The following SMU1 variants were observed in gnomAD, a reference collection of about 807,000 sequenced individuals.
SMU1 encodes SMU1 DNA replication regulator and spliceosomal factor, also known as WD40 repeat-containing protein SMU1.
A neutral mutation model predicts 62.0 loss-of-function variants in SMU1; 2 were observed. The ratio of observed to expected loss-of-function variants is 0.03; its 90% confidence interval spans 0.01 to 0.10. The LOEUF (loss-of-function observed/expected upper bound fraction) is 0.10. Ranked by LOEUF, SMU1 falls within the 10% of genes least tolerant of loss-of-function variation. The probability of loss-of-function intolerance (pLI) is 1.00; values close to 1 mark genes in which losing one functional copy is unlikely to be tolerated. For synonymous variants in SMU1, 188 were observed against 212.4 expected (o/e 0.89, Z 1.00); for missense variants, 227 against 622.1 (o/e 0.36, Z 6.76).
At chr9:33,055,794 T>C (rs549346355) in intron 9 of SMU1, among the ~76,000 whole-genome samples, 21 of 152,328 alleles carry the variant, frequency 1.4e-4, no homozygotes, top group African/African-American at 4.6e-4. Flanking sequence ...AGGTGGACCA[T>C]ACCTATGGCA....
intron 9 of SMU1, among the ~76,000 whole-genome samples, chr9:33,053,929 GTTGT>G (rs1349046008): frequency 6.6e-6 from 1 of 152,080 alleles, no homozygotes; most frequent in Non-Finnish European, 1.5e-5. Context: ...TTTAAAATTA[GTTGT>G]TTGTCAACAC....
chr9:33,071,977 A>C, intron 2 of SMU1, 85 bp from the exon 3 acceptor site: 1 of 1,314,278 alleles, frequency 7.6e-7, no homozygotes, highest in Non-Finnish European at 1.0e-6. Flanking sequence ...TATCTAACAC[A>C]GATATGGCCT....
chr9:33,067,502 T>C (rs1196964963), intron 4 of SMU1, among the ~76,000 whole-genome samples: 1 of 149,378 alleles, frequency 6.7e-6, no homozygotes, highest in Non-Finnish European at 1.5e-5. Flanking sequence ...CTTACTTTTT[T>C]TTTTTTTTTT....
chr9:33,048,651 G>A (rs11999629), intron 10 of SMU1, among the ~76,000 whole-genome samples: 2,399 of 152,274 alleles, frequency 0.016, 58 homozygotes, highest in African/African-American at 0.054. Flanking sequence ...CCCCATACAG[G>A]ATGACACTCA....
At position 33,056,199 on chromosome 9, in the gene SMU1, G is replaced by A. The variant is rs1839302285; in HGVS notation, c.1036C>T (p.Arg346Cys). Residue 346 changes from arginine (R) to cysteine (C), a missense_variant, in exon 9 of 12, where the codon CGT (arginine) becomes TGT (cysteine). Transcript: ENST00000397149. Reference protein sequence around the residue: ...LKSGKTLKEFRGHSSFVNEAT... With the variant: ...LKSGKTLKEFCGHSSFVNEAT... ...TCGTTAACAAAGGAGGAATGGCCAC[G>A]AAATTCCTTCAGGGTTTTCCCAGAT... 3.7e-6 allele frequency: 6 copies of A among 1,612,932 alleles called. No individual in the cohort carries two copies. The highest frequency in any genetic ancestry group is 2.2e-5 in the East Asian group (1 of 44,844).
chr9:33,055,693 A>T (rs998061459), intron 9 of SMU1, among the ~76,000 whole-genome samples: 3 of 152,198 alleles, frequency 2.0e-5, no homozygotes, highest in African/African-American at 7.2e-5. Flanking sequence ...GAAGGCCCTA[A>T]ATCTGGGGAC....
chr9:33,070,481 T>C (rs1385783946), intron 3 of SMU1, among the ~76,000 whole-genome samples: 1 of 152,196 alleles, frequency 6.6e-6, no homozygotes, highest in Non-Finnish European at 1.5e-5. Flanking sequence ...TGGAGATTCC[T>C]CAAAAAATTA....
intron 4 of SMU1, among the ~76,000 whole-genome samples, chr9:33,063,538 AACTGCAGACCAGT>A (rs1839386925): frequency 1.3e-5 from 2 of 152,212 alleles, no homozygotes. Flanking sequence ...CCAACCCCTG[AACTGCAGACCAGT>A]ACTGGTCCAC....
At chr9:33,075,961 C>T (rs981912239) in intron 1 of SMU1, among the ~76,000 whole-genome samples, 19 of 152,290 alleles carry the variant, frequency 1.2e-4, no homozygotes, top group Admixed American at 1.0e-3. Context: ...CCCAAAATTC[C>T]GTGCCAGATC....
intron 10 of SMU1, 76 bp downstream of exon 10, chr9:33,053,047 G>T: frequency 7.2e-7 from 1 of 1,382,850 alleles, no homozygotes. Context: ...TTATTGGGAG[G>T]GTGGGCCTGG....
intron 3 of SMU1, among the ~76,000 whole-genome samples, chr9:33,069,728 G>A (rs1004724288): frequency 6.6e-5 from 10 of 152,154 alleles, no homozygotes; most frequent in Non-Finnish European, 4.4e-5. Context: ...CTGGAACCTG[G>A]GAGGTGGAGG....
intron 2 of SMU1, among the ~76,000 whole-genome samples, chr9:33,072,603 G>C (rs1429948010): frequency 1.3e-5 from 2 of 152,082 alleles, no homozygotes; most frequent in Admixed American, 1.3e-4. Flanking sequence ...GGCTGAGGCA[G>C]GTGGATCACT....
intron 10 of SMU1, among the ~76,000 whole-genome samples, chr9:33,052,827 T>C (rs1839264627): frequency 6.6e-6 from 1 of 152,228 alleles, no homozygotes; most frequent in South Asian, 2.1e-4. Flanking sequence ...ACAAACACTG[T>C]TATCTTAAAA....
intron 9 of SMU1, among the ~76,000 whole-genome samples, chr9:33,054,608 G>C (rs1331428543): frequency 6.6e-6 from 1 of 152,196 alleles, no homozygotes; most frequent in Non-Finnish European, 1.5e-5. Flanking sequence ...GATGTGCTTA[G>C]AGAAGGGATG....
chr9:33,073,585 A>G lies in SMU1; in HGVS notation c.237+11T>C. ...CCAACCCATGGGGATCAGCATCACC[A>G]CCACTCTTACCTGTTCATAGAGGTC... On this transcript the variant is annotated intron_variant, in intron 2 of 11. Transcript: ENST00000397149. 1 of 1,606,486 alleles carries G rather than the reference A, an allele frequency of 6.2e-7. No homozygotes were observed. The highest frequency in any genetic ancestry group is 1.1e-5 in the South Asian group (1 of 90,722).
chr9:33,063,553 C>T (rs1839387002), intron 4 of SMU1, among the ~76,000 whole-genome samples: 1 of 152,192 alleles, frequency 6.6e-6, no homozygotes, highest in African/African-American at 2.4e-5. Context: ...CAGACCAGTA[C>T]TGGTCCACGG....
At position 33,065,998 on chromosome 9, in the gene SMU1, C is replaced by G. The variant is rs77026356; in HGVS notation, c.501+2826G>C. On this transcript the variant is annotated intron_variant, in intron 4 of 11. Coordinates refer to ENST00000397149, the MANE Select transcript of SMU1 (RefSeq NM_018225.3). ...TCTCAAGATATGGTTTAGGCAAGAA[C>G]TACTCTCCAAGCAGGAACTACTCTC... Among the ~76,000 whole-genome samples, 119 of 152,268 alleles carry G rather than the reference C, an allele frequency of 7.8e-4. No individual in the cohort carries two copies. The East Asian group carries it at 0.021, about 27-fold the overall frequency.
At chr9:33,054,068 T>C (rs1839279094) in intron 9 of SMU1, among the ~76,000 whole-genome samples, 3 of 152,218 alleles carry the variant, frequency 2.0e-5, no homozygotes, top group Non-Finnish European at 4.4e-5. Context: ...GTGGATCACT[T>C]GAGGCCAGGA....
intron 6 of SMU1, among the ~76,000 whole-genome samples, chr9:33,058,816 G>C (rs940101713): frequency 6.6e-6 from 1 of 152,078 alleles, no homozygotes; most frequent in African/African-American, 2.4e-5. Context: ...AAAATTTCAA[G>C]TCTGTAAAAC....
Sources: gnomAD v4.1 joint callset for allele counts (sites outside exome capture counted in the v4.1 genomes callset) on GRCh38, gnomAD v4.1.1 for gene constraint, MANE v1.5 for transcripts, NCBI Gene and HGNC (gene_info 2026-07-23, HGNC 2026-07-21) for gene names.